The following PTPRT variants were observed in gnomAD, a reference collection of about 807,000 sequenced individuals.
PTPRT encodes the protein protein tyrosine phosphatase receptor type T.
PTPRT carries 56 observed loss-of-function variants against 176.8 expected under a neutral mutation model. That is an observed-to-expected ratio of 0.32 (90% CI 0.26 to 0.40). PTPRT has a LOEUF of 0.40. PTPRT is among the 10% of genes least tolerant of loss of function. The probability of loss-of-function intolerance (pLI) is 1.00; values close to 1 mark genes in which losing one functional copy is unlikely to be tolerated. For synonymous variants in PTPRT, 783 were observed against 739.0 expected (o/e 1.06, Z -0.96); for missense variants, 1,540 against 1,908.2 (o/e 0.81, Z 3.60).
At chr20:42,339,151 A>C (rs994867042) in intron 11 of PTPRT, among the ~76,000 whole-genome samples, 3 of 152,162 alleles carry the variant, frequency 2.0e-5, no homozygotes, top group African/African-American at 7.2e-5. Flanking sequence ...AAGAACACAG[A>C]TTTGTTCAGA....
intron 7 of PTPRT, among the ~76,000 whole-genome samples, chr20:42,583,481 T>C (rs994667916): frequency 9.3e-4 from 141 of 152,278 alleles, no homozygotes; most frequent in African/African-American, 3.1e-3. Flanking sequence ...CCCATGACAT[T>C]GGGCCTTGTC....
At chr20:42,183,971 T>C (rs1990625181) in intron 16 of PTPRT, among the ~76,000 whole-genome samples, 1 of 151,946 alleles carries the variant, frequency 6.6e-6, no homozygotes, top group Non-Finnish European at 1.5e-5. Flanking sequence ...AGGGAGAGAG[T>C]GATTCCAGCC....
intron 7 of PTPRT, among the ~76,000 whole-genome samples, chr20:42,573,699 G>A (rs893465814): frequency 5.3e-5 from 8 of 149,972 alleles, no homozygotes; most frequent in South Asian, 2.1e-4. Context: ...ATACAACCCC[G>A]TTATCAGCAC....
intron 6 of PTPRT, among the ~76,000 whole-genome samples, chr20:42,730,304 C>T (rs1387345261): frequency 1.3e-5 from 2 of 152,270 alleles, no homozygotes; most frequent in Admixed American, 1.3e-4. Flanking sequence ...AGGGAAGAAT[C>T]ATGGCATGAG....
intron 9 of PTPRT, among the ~76,000 whole-genome samples, chr20:42,442,106 T>C (rs2059321728): frequency 6.6e-6 from 1 of 152,172 alleles, no homozygotes; most frequent in Admixed American, 6.5e-5. Context: ...GGCATGCTCA[T>C]CCATCCAGAC....
chr20:42,210,822 G>A (rs543388378), intron 15 of PTPRT, among the ~76,000 whole-genome samples: 1 of 152,304 alleles, frequency 6.6e-6, no homozygotes, highest in Non-Finnish European at 1.5e-5. Context: ...AACCAAAGAA[G>A]AGCCCACATC....
the PTPRT span, among the ~76,000 whole-genome samples, chr20:42,042,530 A>G: frequency 2.9e-4 from 44 of 152,278 alleles, 1 homozygote; most frequent in Admixed American, 1.2e-3. Flanking sequence ...TCTGCTGTCC[A>G]CAGATTGCTG....
intron 1 of PTPRT, among the ~76,000 whole-genome samples, chr20:42,972,676 CA>C (rs33947245): frequency 0.018 from 1,429 of 77,526 alleles, 8 homozygotes; most frequent in African/African-American, 0.064. Context: ...TCTCAAAAAG[CA>C]AAAAAAAAAA....
chr20:42,199,248 T>C lies in PTPRT; in HGVS notation c.2483A>G (p.Asn828Ser), dbSNP rs763239853. Residue 828 changes from asparagine (N) to serine (S), a missense_variant, in exon 16 of 31, where the codon AAC (asparagine) becomes AGC (serine). Around this residue, in one of 11 missense-constraint regions of PTPRT, gnomAD observed 255 missense variants for 250.1 expected, o/e 1.02. Coordinates refer to ENST00000373187, the MANE Select transcript of PTPRT (RefSeq NM_007050.6). ...EGFSSSSQDV[N>S]GFTDGSRGEL... ...TTGTTGGCTCTACTTACTGAATCCG[T>C]TGACGTCCTGAGAACTAGAAGAGAA... 2 of 1,614,090 alleles carry C rather than the reference T, an allele frequency of 1.2e-6. No homozygotes were observed. Among genetic ancestry groups the C allele is most frequent in the Admixed American group, 1.7e-5 (1 of 60,002 alleles).
At chr20:42,561,563 A>T (rs2072952338) in intron 7 of PTPRT, among the ~76,000 whole-genome samples, 1 of 152,176 alleles carries the variant, frequency 6.6e-6, no homozygotes, top group Admixed American at 6.5e-5. Context: ...AGATCCTGGC[A>T]TGGCTTCTCC....
At chr20:43,085,701 A>G (rs368493566) in intron 1 of PTPRT, among the ~76,000 whole-genome samples, 25 of 152,288 alleles carry the variant, frequency 1.6e-4, no homozygotes, top group African/African-American at 5.5e-4. Flanking sequence ...TCACAAGAAC[A>G]GCACGCGAAA....
At chr20:42,360,294 G>C (rs1026544107) in intron 9 of PTPRT, among the ~76,000 whole-genome samples, 3 of 152,080 alleles carry the variant, frequency 2.0e-5, no homozygotes, top group African/African-American at 7.2e-5. Context: ...CCTTAGCACC[G>C]GGCTGCTTCC....
rs1409095728 is a variant in PTPRT at position 43,038,044 on chromosome 20, ACC to A, written c.88+151600_88+151601del. Among the ~76,000 whole-genome samples the A allele has an allele frequency of 1.5e-3, 229 of 151,992 alleles. 1 individual carries two copies. Among genetic ancestry groups the A allele is most frequent in the African/African-American group, 5.3e-3 (217 of 41,298 alleles). On this transcript the variant is annotated intron_variant, in intron 1 of 30. Coordinates refer to ENST00000373187, the MANE Select transcript of PTPRT (RefSeq NM_007050.6). The stretch of plus-strand genomic sequence containing the variant: ...TAAACTGCTTCTGTGGCTACACCTG[ACC>A]TGAGCCTATTTATAGCATTATTTAT...
rs547137196 is a variant in PTPRT, at chr20:42,834,784, C to A, written c.215-43318G>T. ...AGAGTAATGGATATATGATTCTACA[C>A]ATTTGTCTAAACCCATAAAACTATA... On this transcript the variant is annotated intron_variant, in intron 2 of 30. Transcript: ENST00000373187. 2.0e-5 allele frequency among the ~76,000 whole-genome samples: 3 copies of A among 152,204 alleles called. No individual in the cohort carries two copies. In the East Asian group the frequency reaches 5.8e-4, roughly 29 times the overall value.
chr20:42,145,734 T>C (rs1988840123), intron 17 of PTPRT, among the ~76,000 whole-genome samples: 1 of 152,202 alleles, frequency 6.6e-6, no homozygotes, highest in Non-Finnish European at 1.5e-5. Context: ...GGCTGAGCCA[T>C]GTTCTACAAC....
intron 18 of PTPRT, among the ~76,000 whole-genome samples, chr20:42,131,993 G>T (rs552967190): frequency 6.6e-6 from 1 of 152,164 alleles, no homozygotes; most frequent in African/African-American, 2.4e-5. Flanking sequence ...TGGGAGGGGA[G>T]ACAGAGGAGG....
At chr20:42,425,645 CTA>C (rs1367465059) in intron 9 of PTPRT, among the ~76,000 whole-genome samples, 3 of 152,150 alleles carry the variant, frequency 2.0e-5, no homozygotes, top group African/African-American at 7.2e-5. Flanking sequence ...AACATCATAA[CTA>C]TGTGAGGAGA....
chr20:43,115,092 C>T (rs935985244), intron 1 of PTPRT, among the ~76,000 whole-genome samples: 1 of 152,158 alleles, frequency 6.6e-6, no homozygotes, highest in African/African-American at 2.4e-5. Context: ...GTGGTCCTCT[C>T]CTCTCTGGAT....
chr20:42,353,046 T>G (rs909507183), intron 9 of PTPRT, among the ~76,000 whole-genome samples: 2 of 152,224 alleles, frequency 1.3e-5, no homozygotes, highest in Admixed American at 1.3e-4. Context: ...ATGGAATTGT[T>G]TACATTCTAC....
Sources: allele counts gnomAD v4.1 joint callset (sites outside exome capture counted in the v4.1 genomes callset), GRCh38; gene constraint gnomAD v4.1.1; regional missense constraint gnomAD v4.1.1; transcripts MANE v1.5; gene names NCBI Gene and HGNC (gene_info 2026-07-23, HGNC 2026-07-21).